The following RAPGEF4 variants were observed in gnomAD, a reference collection of about 807,000 sequenced individuals.
The protein encoded by RAPGEF4 is Rap guanine nucleotide exchange factor 4, also known as RAP guanine-nucleotide-exchange factor (GEF) 4.
In RAPGEF4, 66 loss-of-function variants were observed where a neutral mutation model predicts 147.9. That is an observed-to-expected ratio of 0.45 (90% confidence interval 0.37 to 0.55). The LOEUF (loss-of-function observed/expected upper bound fraction) is 0.55, where lower values mean the gene tolerates loss of function less well. Among genes scored for constraint, RAPGEF4 ranks in the 20% least tolerant of loss-of-function variants. RAPGEF4 has a pLI of 0.00. For missense variants in RAPGEF4, 1,071 were observed against 1,257.3 expected (o/e 0.85, Z 2.24); for synonymous variants, 419 against 442.7 (o/e 0.95, Z 0.67).
At chr2:173,012,139 G>A (rs1436346761) in intron 17 of RAPGEF4, among the ~76,000 whole-genome samples, 2 of 152,166 alleles carry the variant, frequency 1.3e-5, no homozygotes, top group African/African-American at 4.8e-5. Flanking sequence ...ACAGTACAAG[G>A]CCATCAGAAA....
chr2:173,032,065 A>G (rs1559199501), intron 26 of RAPGEF4, among the ~76,000 whole-genome samples: 1 of 152,290 alleles, frequency 6.6e-6, no homozygotes, highest in Non-Finnish European at 1.5e-5. Flanking sequence ...CAGAGCACAC[A>G]ATAAAGGGAA....
intron 17 of RAPGEF4, among the ~76,000 whole-genome samples, chr2:173,012,970 T>G (rs913726094): frequency 6.6e-6 from 1 of 152,234 alleles, no homozygotes; most frequent in East Asian, 1.9e-4. Context: ...AGAAATAATT[T>G]TCACATAAAG....
At chr2:172,887,193 CAA>C (rs534302995) in intron 4 of RAPGEF4, among the ~76,000 whole-genome samples, 13 of 53,222 alleles carry the variant, frequency 2.4e-4, no homozygotes, top group Admixed American at 3.9e-4. Context: ...GACTCCGTCT[CAA>C]AAAAAAAAAA....
chr2:172,903,077 A>G (rs1455890681), intron 4 of RAPGEF4, among the ~76,000 whole-genome samples: 3 of 152,156 alleles, frequency 2.0e-5, no homozygotes, highest in Admixed American at 2.0e-4. Context: ...GAATTGAAGT[A>G]CAAAGTCTCG....
intron 4 of RAPGEF4, among the ~76,000 whole-genome samples, chr2:172,881,701 T>A (rs974992364): frequency 6.6e-6 from 1 of 152,244 alleles, no homozygotes; most frequent in Non-Finnish European, 1.5e-5. Context: ...AGTCTGTTAA[T>A]ATCAGTGAAA....
chr2:172,869,089 A>C (rs1477487073), intron 4 of RAPGEF4, among the ~76,000 whole-genome samples: 1 of 152,210 alleles, frequency 6.6e-6, no homozygotes, highest in Non-Finnish European at 1.5e-5. Flanking sequence ...AGTTTACATT[A>C]AATAACAAAA....
intron 4 of RAPGEF4, among the ~76,000 whole-genome samples, chr2:172,870,114 ACT>A (rs1695067647): frequency 6.6e-6 from 1 of 151,988 alleles, no homozygotes; most frequent in Non-Finnish European, 1.5e-5. Context: ...TGCTGTTACC[ACT>A]GTGTGGATAC....
At chr2:172,801,594 C>T (rs1686988304) in intron 3 of RAPGEF4, among the ~76,000 whole-genome samples, 1 of 152,166 alleles carries the variant, frequency 6.6e-6, no homozygotes, top group Non-Finnish European at 1.5e-5. Flanking sequence ...CTGCCCTCCC[C>T]TTAGTGCTGT....
At chr2:172,769,592 A>G (rs1697170301) in intron 1 of RAPGEF4, among the ~76,000 whole-genome samples, 1 of 152,040 alleles carries the variant, frequency 6.6e-6, no homozygotes, top group East Asian at 1.9e-4. Context: ...CCTTCCCTGC[A>G]TTTGCTGCTC....
intron 4 of RAPGEF4, among the ~76,000 whole-genome samples, chr2:172,913,791 C>G (rs923036754): frequency 6.6e-6 from 1 of 152,110 alleles, no homozygotes; most frequent in Non-Finnish European, 1.5e-5. Context: ...AGAAGAACAT[C>G]AACCGTTCTT....
At chr2:172,871,449 G>A (rs1045092471) in intron 4 of RAPGEF4, among the ~76,000 whole-genome samples, 6 of 152,238 alleles carry the variant, frequency 3.9e-5, no homozygotes, top group African/African-American at 1.4e-4. Flanking sequence ...GGAGGGTAGT[G>A]GAGGGCAAGG....
chr2:172,833,032 T>C (rs979641788), intron 4 of RAPGEF4, among the ~76,000 whole-genome samples: 2 of 152,172 alleles, frequency 1.3e-5, no homozygotes, highest in Non-Finnish European at 2.9e-5. Context: ...GGCGAAACGC[T>C]GTCTTTACTA....
At chr2:173,000,555 A>T (rs1442612574) in intron 16 of RAPGEF4, among the ~76,000 whole-genome samples, 1 of 152,178 alleles carries the variant, frequency 6.6e-6, no homozygotes, top group Non-Finnish European at 1.5e-5. Context: ...AAATTCAATG[A>T]TGAAGTAAAT....
chr2:172,852,749 T>G (rs1692995070), intron 4 of RAPGEF4, among the ~76,000 whole-genome samples: 1 of 152,166 alleles, frequency 6.6e-6, no homozygotes, highest in South Asian at 2.1e-4. Flanking sequence ...ATTTCATCAT[T>G]AAATATTATT....
intron 4 of RAPGEF4, among the ~76,000 whole-genome samples, chr2:172,895,444 G>C (rs1464681676): frequency 6.6e-6 from 1 of 152,160 alleles, no homozygotes; most frequent in Admixed American, 6.5e-5. Context: ...TTTGGGGAAA[G>C]ATCATAGACA....
intron 10 of RAPGEF4, among the ~76,000 whole-genome samples, chr2:172,979,590 G>T (rs996217214): frequency 1.3e-5 from 2 of 152,174 alleles, no homozygotes; most frequent in Non-Finnish European, 2.9e-5. Context: ...TTCCAATCTA[G>T]TGCCTTTGCA....
At chr2:172,928,194 A>G (rs1245230144) in intron 6 of RAPGEF4, 2 of 455,628 alleles carry the variant, frequency 4.4e-6, no homozygotes, top group Non-Finnish European at 8.8e-6. Flanking sequence ...TCAGCTCTCC[A>G]GTCTCTGAGG....
At chr2:172,831,460 A>T (rs907633051) in intron 4 of RAPGEF4, among the ~76,000 whole-genome samples, 1 of 151,028 alleles carries the variant, frequency 6.6e-6, no homozygotes, top group Non-Finnish European at 1.5e-5. Flanking sequence ...GTAGAGATGG[A>T]GTTTCACCAT....
At chr2:172,840,025 CTTTAGT>C (rs1305805470) in intron 4 of RAPGEF4, among the ~76,000 whole-genome samples, 3 of 152,118 alleles carry the variant, frequency 2.0e-5, no homozygotes, top group Non-Finnish European at 4.4e-5. Context: ...GCCTCTTTCT[CTTTAGT>C]ACTTTGTCTT....
Sources: allele counts gnomAD v4.1 joint callset (sites outside exome capture counted in the v4.1 genomes callset), GRCh38; gene constraint gnomAD v4.1.1; transcripts MANE v1.5; gene names NCBI Gene and HGNC (gene_info 2026-07-23, HGNC 2026-07-21).